CFAP20DC: variants seen among roughly 807,000 people sequenced by gnomAD.
CFAP20DC encodes the protein CFAP20 domain containing.
In CFAP20DC, 84 loss-of-function variants were observed where a neutral mutation model predicts 101.7. That is an observed-to-expected ratio of 0.83 (90% CI 0.69 to 0.99). CFAP20DC has a LOEUF of 0.99. CFAP20DC is among the 50% of genes least tolerant of loss of function. The pLI is 0.00. For synonymous variants in CFAP20DC, 359 were observed against 351.2 expected, an observed-to-expected ratio of 1.02 and a Z score of -0.25; for missense variants, 1,007 against 970.3, an observed-to-expected ratio of 1.04 and a Z score of -0.50.
intron 3 of CFAP20DC, among the ~76,000 whole-genome samples, chr3:58,736,805 G>A (rs550864418): frequency 3.9e-5 from 6 of 152,112 alleles, no homozygotes; most frequent in South Asian, 2.1e-4. Flanking sequence ...CATCACTTTC[G>A]TAATGCCTCA....
At chr3:58,740,111 T>A (rs2067847907), downstream of CFAP20DC, among the ~76,000 whole-genome samples, 2 of 151,656 alleles carry the variant, frequency 1.3e-5, no homozygotes, top group African/African-American at 4.9e-5. The surrounding 1 kb of genome is among the most constrained non-coding windows in gnomAD (Gnocchi z 4.6). Flanking sequence ...GGCACTGGAG[T>A]GGTTGGGTGC....
intron 4 of CFAP20DC, among the ~76,000 whole-genome samples, chr3:58,968,833 A>G (rs1254903909): frequency 6.6e-6 from 1 of 151,970 alleles, no homozygotes; most frequent in East Asian, 1.9e-4. Context: ...GGGCTTTTAT[A>G]GTTTTGGGAT....
At chr3:58,866,022 A>C (rs1294773518) in intron 11 of CFAP20DC, among the ~76,000 whole-genome samples, 1 of 152,220 alleles carries the variant, frequency 6.6e-6, no homozygotes, top group African/African-American at 2.4e-5. Flanking sequence ...ATGATCACCT[A>C]AACATCTAAT....
chr3:58,762,275 C>T (rs915660020), intron 15 of CFAP20DC, among the ~76,000 whole-genome samples: 1 of 152,072 alleles, frequency 6.6e-6, no homozygotes, highest in African/African-American at 2.4e-5. Flanking sequence ...TGAATTGATC[C>T]CTTTACCATT....
intron 13 of CFAP20DC, among the ~76,000 whole-genome samples, chr3:58,838,679 C>T (rs758364254): frequency 1.9e-4 from 29 of 152,154 alleles, no homozygotes; most frequent in Admixed American, 6.5e-4. Context: ...TACTTCCATA[C>T]ATTTTGCTGT....
At chr3:58,888,082 T>C (rs1014528542) in intron 6 of CFAP20DC, among the ~76,000 whole-genome samples, 1 of 152,202 alleles carries the variant, frequency 6.6e-6, no homozygotes, top group Non-Finnish European at 1.5e-5. Flanking sequence ...CCAATCACCA[T>C]CTTTTCTATG....
intron 5 of CFAP20DC, among the ~76,000 whole-genome samples, chr3:58,915,159 C>T (rs147566440): frequency 1.3e-3 from 192 of 151,946 alleles, no homozygotes; most frequent in Middle Eastern, 0.01. Context: ...TGGGGTTGGG[C>T]GGGGGAATGA....
At chr3:58,831,166 T>C (rs2076367381) in intron 14 of CFAP20DC, among the ~76,000 whole-genome samples, 2 of 152,286 alleles carry the variant, frequency 1.3e-5, no homozygotes, top group Middle Eastern at 6.8e-3. Flanking sequence ...TGGAAACACA[T>C]GGGAATATAA....
intron 3 of CFAP20DC, among the ~76,000 whole-genome samples, chr3:58,725,289 C>T (rs1372813671): frequency 9.2e-5 from 14 of 152,194 alleles, no homozygotes; most frequent in Non-Finnish European, 1.5e-5. Flanking sequence ...ACAGCCCATA[C>T]TATCCTGGTG....
rs147211120 is a variant in CFAP20DC, at chr3:58,797,375, C to G, written c.2237+9020G>C. The stretch of plus-strand genomic sequence containing the variant: ...TGAGTGGTCTGGATGGAACATCAAA[C>G]CAGCCACAACATTCCCTTAAGCCAA... On this transcript the variant is annotated intron_variant, in intron 15 of 16. Transcript: ENST00000482387. Among the ~76,000 whole-genome samples the G allele has an allele frequency of 2.6e-4, 40 of 152,286 alleles. No homozygotes were observed. In the East Asian group the frequency reaches 7.3e-3, roughly 28 times the overall value.
At chr3:58,800,719 A>G (rs2107690596) in intron 15 of CFAP20DC, among the ~76,000 whole-genome samples, 1 of 152,088 alleles carries the variant, frequency 6.6e-6, no homozygotes, top group East Asian at 1.9e-4. Context: ...ATCAGCAGGG[A>G]GTGGTACATG....
intron 15 of CFAP20DC, among the ~76,000 whole-genome samples, chr3:58,760,687 T>C (rs2069475808): frequency 6.6e-6 from 1 of 152,314 alleles, no homozygotes; most frequent in Middle Eastern, 3.4e-3. Flanking sequence ...TAAATAGCTC[T>C]TATTATTTTG....
intron 4 of CFAP20DC, among the ~76,000 whole-genome samples, chr3:59,010,160 G>A (rs1576696531): frequency 6.6e-6 from 1 of 151,930 alleles, no homozygotes; most frequent in South Asian, 2.1e-4. Flanking sequence ...AAAAAACAAG[G>A]TCTTTAGGCA....
At chr3:58,743,977 C>T (rs1425436518) in intron 16 of CFAP20DC, among the ~76,000 whole-genome samples, 5 of 152,214 alleles carry the variant, frequency 3.3e-5, no homozygotes, top group Non-Finnish European at 7.4e-5. Flanking sequence ...TGACAAGAAA[C>T]AATCCCTATT....
chr3:58,906,198 C>G (rs1413171278), intron 6 of CFAP20DC, among the ~76,000 whole-genome samples: 1 of 152,126 alleles, frequency 6.6e-6, no homozygotes, highest in African/African-American at 2.4e-5. Context: ...ATGCTGTAAT[C>G]AGCACCACAA....
At chr3:58,832,357 C>T (rs1006620089) in intron 13 of CFAP20DC, among the ~76,000 whole-genome samples, 10 of 152,178 alleles carry the variant, frequency 6.6e-5, no homozygotes, top group Non-Finnish European at 1.2e-4. Flanking sequence ...AGCTCTACAA[C>T]GGCAAGCACC....
At chr3:59,044,215 TA>T (rs778373781) in intron 3 of CFAP20DC, among the ~76,000 whole-genome samples, 1 of 152,154 alleles carries the variant, frequency 6.6e-6, no homozygotes, top group Non-Finnish European at 1.5e-5. Flanking sequence ...TAGGAATACA[TA>T]ACGGTAATTG....
At position 59,015,457 on chromosome 3, in the gene CFAP20DC, G is replaced by C. The variant is rs547095491; in HGVS notation, c.278+24100C>G. Among the ~76,000 whole-genome samples the C allele has an allele frequency of 2.9e-4, 44 of 151,568 alleles. No individual in the cohort carries two copies. The highest frequency in any genetic ancestry group is 9.4e-4 in the African/African-American group (39 of 41,298). ...GAGAGGACAAAGAAGAAAAACAAGA[G>C]AAAGAGGGAAAAGGATGAGGGAGAA... On this transcript the variant is annotated intron_variant, in intron 4 of 16. Coordinates refer to ENST00000482387, the MANE Select transcript of CFAP20DC (RefSeq NM_001394063.1). This position sits in a 1 kb window ranked among gnomAD's most constrained non-coding sequence, Gnocchi z 5.4.
chr3:59,027,711 A>G lies in CFAP20DC; in HGVS notation c.278+11846T>C, dbSNP rs1250963881. Among the ~76,000 whole-genome samples the G allele has an allele frequency of 4.6e-5, 7 of 152,314 alleles. No homozygotes were observed. The East Asian group carries it at 9.6e-4, about 21-fold the overall frequency. On this transcript the variant is annotated intron_variant, in intron 4 of 16. Coordinates refer to ENST00000482387, the MANE Select transcript of CFAP20DC (RefSeq NM_001394063.1). ...ATCAAATAAGGGAAAATGAACTTCT[A>G]TTTCAAGATGCAGTTGCTTCTTTTC...
Sources: allele counts gnomAD v4.1 joint callset (sites outside exome capture counted in the v4.1 genomes callset), GRCh38; gene constraint gnomAD v4.1.1; non-coding constraint Gnocchi (gnomAD v3.1); transcripts MANE v1.5; gene names NCBI Gene and HGNC (gene_info 2026-07-23, HGNC 2026-07-21).